MICU1: variants seen among roughly 807,000 people sequenced by gnomAD.
The protein encoded by MICU1 is mitochondrial calcium uptake 1.
A neutral mutation model predicts 56.8 loss-of-function variants in MICU1; 45 were observed. That is an observed-to-expected ratio of 0.79 (90% CI 0.62 to 1.02). MICU1 has a LOEUF of 1.02. MICU1 is among the 50% of genes least tolerant of loss of function. The probability of loss-of-function intolerance (pLI) is 0.00; values close to 1 mark genes in which losing one functional copy is unlikely to be tolerated. For synonymous variants in MICU1, 186 were observed against 195.1 expected (o/e 0.95, Z 0.39); for missense variants, 504 against 587.1 (o/e 0.86, Z 1.46).
At chr10:72,513,175 T>C (rs1241853404) in intron 5 of MICU1, among the ~76,000 whole-genome samples, 1 of 152,136 alleles carries the variant, frequency 6.6e-6, no homozygotes, top group African/African-American at 2.4e-5. Context: ...CCATAAGCAA[T>C]GTAAGAGGAT....
At chr10:72,415,648 C>A (rs555947661) in intron 9 of MICU1, among the ~76,000 whole-genome samples, 2 of 152,328 alleles carry the variant, frequency 1.3e-5, no homozygotes, top group South Asian at 4.1e-4. Flanking sequence ...ATTGGATAAA[C>A]CTCCAAACTT....
At chr10:72,460,554 C>G (rs928422282) in intron 8 of MICU1, among the ~76,000 whole-genome samples, 2 of 152,136 alleles carry the variant, frequency 1.3e-5, no homozygotes, top group Admixed American at 1.3e-4. Context: ...ATATTCATTT[C>G]TGTGCTGTTA....
intron 3 of MICU1, among the ~76,000 whole-genome samples, chr10:72,554,435 G>C (rs1564932159): frequency 6.6e-6 from 1 of 152,084 alleles, no homozygotes; most frequent in Non-Finnish European, 1.5e-5. Context: ...CCAATATTTA[G>C]GTAATATAGA....
intron 8 of MICU1, among the ~76,000 whole-genome samples, chr10:72,436,437 T>G (rs1303079923): frequency 2.0e-5 from 3 of 152,122 alleles, no homozygotes; most frequent in Admixed American, 6.5e-5. Flanking sequence ...CAAAGGTAGA[T>G]AAAACCACAA....
chr10:72,457,497 C>T (rs1442286958), intron 8 of MICU1, among the ~76,000 whole-genome samples: 1 of 151,726 alleles, frequency 6.6e-6, no homozygotes, highest in Non-Finnish European at 1.5e-5. Context: ...GCTGGGAATA[C>T]AGGCATGAGC....
Position 72,612,457 on chromosome 10 carries a change from A to G in MICU1, c.-2+13553T>C, listed in dbSNP as rs149947960. Among the ~76,000 whole-genome samples the G allele has an allele frequency of 1.7e-4, 26 of 152,294 alleles. No homozygotes were observed. The East Asian group carries it at 4.8e-3, about 28-fold the overall frequency. ...ATTAAAACCTCTAGGCTAAAAGAGT[A>G]ATGGGAGTCATGCCAAGGCTTTGAC... On this transcript the variant is annotated intron_variant, in intron 1 of 11. Coordinates refer to ENST00000361114, the MANE Select transcript of MICU1 (RefSeq NM_001195518.2).
intron 1 of MICU1, among the ~76,000 whole-genome samples, chr10:72,606,084 T>C (rs1358859610): frequency 1.3e-5 from 2 of 149,750 alleles, no homozygotes; most frequent in African/African-American, 4.9e-5. Flanking sequence ...TGAGCCAAGA[T>C]TGCACCACTG....
chr10:72,484,930 GTT>G (rs67963197), intron 6 of MICU1, among the ~76,000 whole-genome samples: 69,421 of 151,878 alleles, frequency 0.46, 19,979 homozygotes, highest in Non-Finnish European at 0.67. Flanking sequence ...GTAAACTATG[GTT>G]GGTAACCTGC....
chr10:72,621,334 A>C (rs952552309), intron 1 of MICU1, among the ~76,000 whole-genome samples: 1 of 146,328 alleles, frequency 6.8e-6, no homozygotes, highest in African/African-American at 2.6e-5. Flanking sequence ...CTTAAAATAC[A>C]AAAAAAAAAT....
intron 1 of MICU1, among the ~76,000 whole-genome samples, chr10:72,570,327 G>A (rs1840577046): frequency 6.6e-6 from 1 of 151,842 alleles, no homozygotes; most frequent in Admixed American, 6.6e-5. Flanking sequence ...TTGCCTCAAG[G>A]CCCAAATTAT....
Position 72,425,160 on chromosome 10 carries a change from G to A in MICU1, c.934-1789C>T, listed in dbSNP as rs903375661. Among the ~76,000 whole-genome samples, 15 of 152,292 alleles carry A rather than the reference G, an allele frequency of 9.8e-5. No homozygotes were observed. The South Asian group carries it at 3.1e-3, about 32-fold the overall frequency. On this transcript the variant is annotated intron_variant, in intron 8 of 11. Transcript: ENST00000361114. The stretch of plus-strand genomic sequence containing the variant: ...AAACCTGGGTAAAAGTTCACCTATG[G>A]GCTTCTTCAAGGCATGTGAAACAAG...
chr10:72,615,917 A>G (rs1841967674), intron 1 of MICU1, among the ~76,000 whole-genome samples: 1 of 152,174 alleles, frequency 6.6e-6, no homozygotes, highest in African/African-American at 2.4e-5. Context: ...TGAACCCGGG[A>G]GGCGGAGCTG....
rs923985159 is a variant in MICU1 at position 72,390,057 on chromosome 10, T to C, written c.1181-14185A>G. Among the ~76,000 whole-genome samples the C allele has an allele frequency of 2.6e-5, 4 of 152,206 alleles. 1 individual carries two copies. Among genetic ancestry groups the C allele is most frequent in the African/African-American group, 9.6e-5 (4 of 41,458 alleles). On this transcript the variant is annotated intron_variant, in intron 10 of 11. Transcript: ENST00000361114. Reference sequence around the variant, plus strand: ...GAGAAAGGTTCTTTCTTCAGATGGTTAGAACTCTTGAAAACACTTCATTAT... The same window carrying C: ...GAGAAAGGTTCTTTCTTCAGATGGTCAGAACTCTTGAAAACACTTCATTAT...
chr10:72,571,600 T>C (rs1231634331), intron 1 of MICU1, among the ~76,000 whole-genome samples: 2 of 151,456 alleles, frequency 1.3e-5, no homozygotes, highest in Admixed American at 6.6e-5. Context: ...TATCAGTCTA[T>C]CTATTAGCAG....
intron 8 of MICU1, among the ~76,000 whole-genome samples, chr10:72,432,257 CTA>C (rs1418899777): frequency 6.6e-6 from 1 of 151,990 alleles, no homozygotes; most frequent in East Asian, 1.9e-4. Context: ...CCATGCCCAG[CTA>C]TGTTTCTAAA....
chr10:72,551,200 G>A lies in MICU1; in HGVS notation c.472C>T (p.Pro158Ser). ...TPEDFVRSIT[P>S]NEKQPEHLGL... ...TTACGTTCTGGTTGTTTTTCATTGGGTGTTATGGATCGCACAAAATCTTCT... is the reference window on the plus strand; with the variant it reads ...TTACGTTCTGGTTGTTTTTCATTGGATGTTATGGATCGCACAAAATCTTCT... Residue 158 changes from proline to serine, a missense_variant, in exon 4 of 12, where the codon CCC (proline) becomes TCC (serine). Physicochemically the swap from Pro to Ser is moderately conservative, Grantham distance 74. Transcript: ENST00000361114. The A allele has an allele frequency of 6.2e-7, 1 of 1,605,314 alleles. No homozygotes were observed. Among genetic ancestry groups the A allele is most frequent in the East Asian group, 2.3e-5 (1 of 44,400 alleles).
At chr10:72,549,496 G>C (rs1375609348) in intron 4 of MICU1, among the ~76,000 whole-genome samples, 2 of 152,056 alleles carry the variant, frequency 1.3e-5, no homozygotes, top group Non-Finnish European at 2.9e-5. Context: ...TGGCCCATCT[G>C]TTTGTATTTT....
At chr10:72,397,171 C>G (rs1321812911) in intron 10 of MICU1, among the ~76,000 whole-genome samples, 1 of 152,162 alleles carries the variant, frequency 6.6e-6, no homozygotes, top group Non-Finnish European at 1.5e-5. Context: ...AATTTCATAT[C>G]CAGCCAAACT....
intron 8 of MICU1, among the ~76,000 whole-genome samples, chr10:72,443,308 C>A (rs936178594): frequency 2.6e-5 from 4 of 152,112 alleles, no homozygotes; most frequent in African/African-American, 9.7e-5. Flanking sequence ...AATTTTCTCC[C>A]ATTTTGTGGG....
Sources: allele counts gnomAD v4.1 joint callset (sites outside exome capture counted in the v4.1 genomes callset), GRCh38; gene constraint gnomAD v4.1.1; transcripts MANE v1.5; gene names NCBI Gene and HGNC (gene_info 2026-07-23, HGNC 2026-07-21).